The following TAS2R1 variants were observed in gnomAD, a reference collection of about 807,000 sequenced individuals.
TAS2R1 encodes taste receptor type 2 member 1.
For missense variants in TAS2R1, 370 were observed against 353.4 expected, an observed-to-expected ratio of 1.05 and a Z score of -0.38; for synonymous variants, 141 against 134.2, an observed-to-expected ratio of 1.05 and a Z score of -0.35.
chr5:9,773,706 T>C, the TAS2R1 span, among the ~76,000 whole-genome samples: 2 of 152,200 alleles, frequency 1.3e-5, no homozygotes, highest in Admixed American at 6.5e-5. Flanking sequence ...TTCTAGGATA[T>C]AAGATTTTTC....
At chr5:9,686,038 T>C (rs1346623358) in intron 1 of TAS2R1, among the ~76,000 whole-genome samples, 1 of 152,052 alleles carries the variant, frequency 6.6e-6, no homozygotes, top group African/African-American at 2.4e-5. Flanking sequence ...GGTAATTTTA[T>C]ATTTTTAGTA....
the TAS2R1 span, among the ~76,000 whole-genome samples, chr5:9,745,983 C>A: frequency 6.6e-6 from 1 of 152,082 alleles, no homozygotes; most frequent in Non-Finnish European, 1.5e-5. Context: ...AACAGGCAAC[C>A]TAAAGAATGG....
the TAS2R1 span, among the ~76,000 whole-genome samples, chr5:9,810,303 A>C: frequency 6.6e-6 from 1 of 152,200 alleles, no homozygotes; most frequent in East Asian, 1.9e-4. Flanking sequence ...GTCTCTGAAA[A>C]TATTCTTCTC....
the TAS2R1 span, among the ~76,000 whole-genome samples, chr5:9,897,179 G>A: frequency 4.6e-5 from 7 of 152,154 alleles, no homozygotes; most frequent in Non-Finnish European, 8.8e-5. Context: ...GGCTGGGCAC[G>A]GTGGCTCATG....
intron 1 of TAS2R1, among the ~76,000 whole-genome samples, chr5:9,676,097 TGAA>T (rs1460718614): frequency 6.6e-6 from 1 of 152,222 alleles, no homozygotes; most frequent in Non-Finnish European, 1.5e-5. Context: ...TTTGCATCTA[TGAA>T]GATTTTCATG....
the TAS2R1 span, among the ~76,000 whole-genome samples, chr5:9,739,295 T>C: frequency 6.6e-6 from 1 of 152,272 alleles, no homozygotes; most frequent in East Asian, 1.9e-4. Flanking sequence ...GCTTATCTGG[T>C]CCCTCCGTCA....
the TAS2R1 span, among the ~76,000 whole-genome samples, chr5:9,836,471 T>C: frequency 2.6e-5 from 4 of 151,560 alleles, no homozygotes; most frequent in Admixed American, 1.3e-4. Context: ...ACTCACAAGA[T>C]GCCAGCAGCA....
the TAS2R1 span, among the ~76,000 whole-genome samples, chr5:9,756,389 G>A: frequency 6.6e-6 from 1 of 152,144 alleles, no homozygotes; most frequent in African/African-American, 2.4e-5. Context: ...TATTTCATAA[G>A]GGTTTGATCA....
At chr5:9,797,374 T>C in the TAS2R1 span, among the ~76,000 whole-genome samples, 2 of 152,126 alleles carry the variant, frequency 1.3e-5, no homozygotes, top group Non-Finnish European at 2.9e-5. Context: ...AGAGGCTGCT[T>C]TATAGCATGT....
At chr5:9,787,263 T>C in the TAS2R1 span, among the ~76,000 whole-genome samples, 1 of 152,178 alleles carries the variant, frequency 6.6e-6, no homozygotes, top group Admixed American at 6.5e-5. Flanking sequence ...TTGACAGGCA[T>C]AAACATGTAA....
At chr5:9,740,402 C>CCA in the TAS2R1 span, among the ~76,000 whole-genome samples, 1 of 152,140 alleles carries the variant, frequency 6.6e-6, no homozygotes, top group African/African-American at 2.4e-5. Flanking sequence ...GATTCTCCTA[C>CCA]CACACAGCAC....
At chr5:9,716,592 T>G (rs1191933376), upstream of TAS2R1, among the ~76,000 whole-genome samples, 2 of 152,104 alleles carry the variant, frequency 1.3e-5, no homozygotes, top group Non-Finnish European at 2.9e-5. Flanking sequence ...AACCTCTTTT[T>G]CTCATAATCA....
intron 2 of TAS2R1, among the ~76,000 whole-genome samples, chr5:9,657,864 A>G (rs1418753305): frequency 6.6e-6 from 1 of 152,238 alleles, no homozygotes; most frequent in Non-Finnish European, 1.5e-5. Context: ...TACACTGAAA[A>G]AAGATTAAAA....
At chr5:9,844,620 C>T in the TAS2R1 span, among the ~76,000 whole-genome samples, 1 of 152,164 alleles carries the variant, frequency 6.6e-6, no homozygotes, top group South Asian at 2.1e-4. Flanking sequence ...CAGCACATCT[C>T]CCCTCCTAGA....
At chr5:9,819,992 C>A in the TAS2R1 span, among the ~76,000 whole-genome samples, 1 of 151,896 alleles carries the variant, frequency 6.6e-6, no homozygotes, top group Non-Finnish European at 1.5e-5. Context: ...CATAAAGAGA[C>A]CCCCAGCTCC....
intron 1 of TAS2R1, among the ~76,000 whole-genome samples, chr5:9,708,422 A>G (rs976995438): frequency 1.3e-5 from 2 of 152,128 alleles, no homozygotes; most frequent in South Asian, 4.1e-4. Flanking sequence ...TACCATATAA[A>G]GAAATACATA....
the TAS2R1 span, among the ~76,000 whole-genome samples, chr5:9,753,147 T>A: frequency 6.6e-6 from 1 of 152,234 alleles, no homozygotes; most frequent in African/African-American, 2.4e-5. Context: ...ATGGTTGAAC[T>A]AGTTTATAGT....
intron 1 of TAS2R1, among the ~76,000 whole-genome samples, chr5:9,681,043 CAG>C (rs1350104265): frequency 6.6e-6 from 1 of 151,992 alleles, no homozygotes; most frequent in Non-Finnish European, 1.5e-5. Flanking sequence ...GCCTGGGTGA[CAG>C]AGAGAGACTC....
chr5:9,775,024 G>C, the TAS2R1 span, among the ~76,000 whole-genome samples: 1 of 152,218 alleles, frequency 6.6e-6, no homozygotes, highest in Non-Finnish European at 1.5e-5. Flanking sequence ...AGGGTGGCAA[G>C]ATCACCTCAG....
Sources: allele counts gnomAD v4.1 joint callset (sites outside exome capture counted in the v4.1 genomes callset), GRCh38; gene constraint gnomAD v4.1.1; transcripts MANE v1.5; gene names NCBI Gene and HGNC (gene_info 2026-07-23, HGNC 2026-07-21).